The following MOGAT2 variants were observed in gnomAD, a reference collection of about 807,000 sequenced individuals.
MOGAT2 encodes the protein 2-acylglycerol O-acyltransferase 2.
A neutral mutation model predicts 31.5 loss-of-function variants in MOGAT2; 27 were observed. The ratio of observed to expected loss-of-function variants is 0.86; its 90% CI spans 0.63 to 1.18. The LOEUF is 1.18. Ranked by LOEUF, MOGAT2 falls within the 50% of genes most tolerant of loss-of-function variation. The pLI is 0.00. For synonymous variants in MOGAT2, 163 were observed against 170.0 expected, an observed-to-expected ratio of 0.96 and a Z score of 0.32; for missense variants, 436 against 433.2, an observed-to-expected ratio of 1.01 and a Z score of -0.06.
chr11:75,730,968 T>G, intron 5 of MOGAT2, 164 bp from the exon 6 acceptor site: 5 of 438,608 alleles, frequency 1.1e-5, no homozygotes, highest in East Asian at 3.7e-5. Context: ...CCAGCCGTTG[T>G]TATTATATCA....
At chr11:75,719,884 C>A in intron 1 of MOGAT2, 108 bp from the exon 2 acceptor site, 1 of 1,109,390 alleles carries the variant, frequency 9.0e-7, no homozygotes, top group Non-Finnish European at 1.3e-6. Context: ...GAGGATTGGA[C>A]AGGACAGTGC....
intron 2 of MOGAT2, among the ~76,000 whole-genome samples, chr11:75,726,889 G>C (rs1001990669): frequency 2.6e-5 from 4 of 151,994 alleles, no homozygotes; most frequent in African/African-American, 9.7e-5. Flanking sequence ...AGTAGAGATG[G>C]AGTTTCACCA....
At chr11:75,728,179 G>A (rs774589634) in intron 4 of MOGAT2, 35 bp downstream of exon 4, 4 of 1,597,908 alleles carry the variant, frequency 2.5e-6, no homozygotes, top group Non-Finnish European at 3.4e-6. Context: ...TCTGGGTTCA[G>A]TTGGCAATTG....
At chr11:75,730,674 G>A (rs1489644142) in intron 5 of MOGAT2, among the ~76,000 whole-genome samples, 1 of 152,168 alleles carries the variant, frequency 6.6e-6, no homozygotes, top group East Asian at 1.9e-4. Flanking sequence ...ACTTTGGGAG[G>A]TCGAGACGGG....
intron 2 of MOGAT2, among the ~76,000 whole-genome samples, chr11:75,726,662 T>G (rs893196628): frequency 5.3e-5 from 8 of 151,916 alleles, no homozygotes; most frequent in Non-Finnish European, 8.8e-5. Flanking sequence ...GTTGTTTGAA[T>G]CCATAGATGT....
At chr11:75,722,198 G>A (rs1369501489) in intron 2 of MOGAT2, among the ~76,000 whole-genome samples, 1 of 152,220 alleles carries the variant, frequency 6.6e-6, no homozygotes, top group Non-Finnish European at 1.5e-5. Context: ...AGTTCTGGGA[G>A]CAGTCATGGA....
chr11:75,730,376 T>C (rs1944464765), intron 5 of MOGAT2, among the ~76,000 whole-genome samples: 1 of 152,108 alleles, frequency 6.6e-6, no homozygotes, highest in Non-Finnish European at 1.5e-5. Flanking sequence ...CTTAGAAATA[T>C]AGCCGCTTCC....
At chr11:75,720,287 G>A (rs1944366952) in intron 2 of MOGAT2, 117 bp downstream of exon 2, 2 of 1,174,050 alleles carry the variant, frequency 1.7e-6, no homozygotes, top group African/African-American at 3.1e-5. Flanking sequence ...AGGGTACTGG[G>A]CTGGGAGGCA....
At position 75,732,137 on chromosome 11, in the gene MOGAT2, C is replaced by A. The variant is rs1320444985; in HGVS notation, c.*851C>A. On this transcript the variant is annotated 3_prime_UTR_variant, in exon 6 of 6. Transcript: ENST00000198801. ...AATTTGAGGAGGGTTTAAAAAGGAA[C>A]CATTTTTTGAGGTGTGTGCACTGTT... 1 of 152,252 alleles carries A rather than the reference C, an allele frequency of 6.6e-6. No homozygotes were observed. The highest frequency in any genetic ancestry group is 1.5e-5 in the Non-Finnish European group (1 of 68,120). 9.4% of individuals were successfully genotyped at this position (152,252 alleles called of 1,614,324 possible). A position where few individuals can be genotyped will look rare whatever the true frequency, so the allele number is the denominator to read the frequency against.
At chr11:75,729,730 G>A (rs1195800407) in intron 5 of MOGAT2, among the ~76,000 whole-genome samples, 2 of 143,262 alleles carry the variant, frequency 1.4e-5, no homozygotes, top group African/African-American at 5.1e-5. Flanking sequence ...CAGAGAAGGA[G>A]GGTTTAATTC....
In MOGAT2 at chr11:75,728,869, C is replaced by T. The variant is rs777190015; in HGVS notation, c.730C>T (p.Arg244Cys). The T allele has an allele frequency of 9.9e-6, 16 of 1,614,046 alleles. No homozygotes were observed. Among genetic ancestry groups the T allele is most frequent in the East Asian group, 4.5e-5 (2 of 44,896 alleles). ...QIPNSSGSWL[R>C]YIQNRLQKIM... The stretch of plus-strand genomic sequence containing the variant: ...TCCCAACTCTTCTGGCTCCTGGTTA[C>T]GCTATATCCAGAATCGGTTGCAGAA... The change falls in exon 5 of 6, where the codon CGC (arginine) becomes TGC (cysteine). Residue 244 changes from arginine (R) to cysteine (C), a missense_variant. Coordinates refer to ENST00000198801, the MANE Select transcript of MOGAT2 (RefSeq NM_025098.4).
intron 2 of MOGAT2, among the ~76,000 whole-genome samples, chr11:75,725,153 ATAT>A (rs1944410546): frequency 6.6e-6 from 1 of 152,170 alleles, no homozygotes; most frequent in Non-Finnish European, 1.5e-5. Context: ...GGTTTGGTAG[ATAT>A]TGTCAAATTG....
intron 5 of MOGAT2, 39 bp from the exon 6 acceptor site, chr11:75,731,093 T>G (rs766226684): frequency 1.9e-6 from 3 of 1,591,256 alleles, no homozygotes; most frequent in Non-Finnish European, 2.6e-6. Context: ...GAGGGTCCCT[T>G]GCCTACCCTA....
chr11:75,720,156 TATTTCCCCATCTCGGTG>T lies in MOGAT2; in HGVS notation c.258_270+4del. The T allele has an allele frequency of 1.2e-6, 2 of 1,613,002 alleles. No homozygotes were observed. The highest frequency in any genetic ancestry group is 1.7e-6 in the Non-Finnish European group (2 of 1,179,378). ...GACTATATGGAAGTACATGAAGGAC[TATTTCCCCATCTCGGTG>T]AGTATTGAGGCTGGTTGGGGTTGGG... On this transcript the variant is annotated splice_donor_variant and splice_donor_region_variant and coding_sequence_variant and intron_variant, in exon 2 of 6. Coordinates refer to ENST00000198801, the MANE Select transcript of MOGAT2 (RefSeq NM_025098.4). LOFTEE classifies it high-confidence loss of function.
chr11:75,727,320 T>C lies in MOGAT2; in HGVS notation c.271-115T>C, dbSNP rs1944429507. On this transcript the variant is annotated intron_variant, in intron 2 of 5. Coordinates refer to ENST00000198801, the MANE Select transcript of MOGAT2 (RefSeq NM_025098.4). Reference sequence around the variant, plus strand: ...TAAGAACCCAGGGTGGTCAGACATATGGATGAAGACCTGGAGGCTCAGAGG... The same window carrying C: ...TAAGAACCCAGGGTGGTCAGACATACGGATGAAGACCTGGAGGCTCAGAGG... 5.6e-6 allele frequency: 5 copies of C among 892,728 alleles called. No homozygotes were observed. The South Asian group carries it at 8.2e-5, about 15-fold the overall frequency. 55.3% of individuals were successfully genotyped at this position (892,728 alleles called of 1,614,324 possible).
intron 5 of MOGAT2, chr11:75,730,914 CAA>C: frequency 5.3e-5 from 9 of 169,666 alleles, no homozygotes; most frequent in East Asian, 2.6e-4. Flanking sequence ...GACTCTACCT[CAA>C]AAAAAAAAAA....
At chr11:75,728,597 A>G (rs982117625) in intron 4 of MOGAT2, 193 bp from the exon 5 acceptor site, 2 of 607,696 alleles carry the variant, frequency 3.3e-6, no homozygotes, top group Non-Finnish European at 5.8e-6. Context: ...GTGGCCCTGC[A>G]AGGGACCTGC....
At chr11:75,728,742 C>T (rs749010587) in intron 4 of MOGAT2, 48 bp from the exon 5 acceptor site, 4 of 1,546,506 alleles carry the variant, frequency 2.6e-6, no homozygotes, top group Admixed American at 3.3e-5. Flanking sequence ...TCAGCTCGTG[C>T]CTTCTCTGGG....
At chr11:75,719,684 G>T in intron 1 of MOGAT2, 1 of 389,646 alleles carries the variant, frequency 2.6e-6, no homozygotes, top group Non-Finnish European at 4.7e-6. Context: ...AACTCTCCTG[G>T]GGAGAAGGAG....
Sources: gnomAD v4.1 joint callset for allele counts (sites outside exome capture counted in the v4.1 genomes callset) on GRCh38, gnomAD v4.1.1 for gene constraint, MANE v1.5 for transcripts, NCBI Gene and HGNC (gene_info 2026-07-23, HGNC 2026-07-21) for gene names.